Variants in NEDD4L observed in about 807,000 individuals in gnomAD.
NEDD4L encodes NEDD4 like E3 ubiquitin protein ligase.
Under a neutral mutation model 148.9 loss-of-function variants are expected in NEDD4L, and 54 were observed. The observed-to-expected ratio is 0.36, with a 90% confidence interval of 0.29 to 0.45. The LOEUF is 0.45. Ranked by LOEUF, NEDD4L falls within the 20% of genes least tolerant of loss-of-function variation. NEDD4L has a pLI of 1.00. For synonymous variants in NEDD4L, 433 were observed against 440.7 expected, an observed-to-expected ratio of 0.98 and a Z score of 0.22; for missense variants, 856 against 1,233.8, an observed-to-expected ratio of 0.69 and a Z score of 4.59.
At chr18:58,343,421 C>G (rs2042676097) in intron 16 of NEDD4L, among the ~76,000 whole-genome samples, 1 of 152,214 alleles carries the variant, frequency 6.6e-6, no homozygotes, top group Non-Finnish European at 1.5e-5. Flanking sequence ...TCCCGTCTCA[C>G]AAAGTAATCT....
chr18:58,201,033 T>C (rs1316711125), intron 2 of NEDD4L, among the ~76,000 whole-genome samples: 1 of 152,168 alleles, frequency 6.6e-6, no homozygotes, highest in East Asian at 1.9e-4. Flanking sequence ...TGTATGTTAA[T>C]GTTAGATAAA....
chr18:58,376,541 A>T (rs1043534153), intron 24 of NEDD4L, among the ~76,000 whole-genome samples: 1 of 152,176 alleles, frequency 6.6e-6, no homozygotes, highest in Non-Finnish European at 1.5e-5. Flanking sequence ...TCCATCAGCG[A>T]GTTGTTCACA....
intron 2 of NEDD4L, among the ~76,000 whole-genome samples, chr18:58,196,247 G>GCTAA (rs1416965459): frequency 6.6e-6 from 1 of 152,152 alleles, no homozygotes; most frequent in Non-Finnish European, 1.5e-5. Context: ...TTAGAGCATA[G>GCTAA]CTAATGCAAT....
chr18:58,064,544 C>G (rs1239698849), intron 1 of NEDD4L, among the ~76,000 whole-genome samples: 1 of 152,078 alleles, frequency 6.6e-6, no homozygotes. Flanking sequence ...ACACCGTTTT[C>G]CTTTGTTTCC....
intron 1 of NEDD4L, among the ~76,000 whole-genome samples, chr18:58,066,913 A>C (rs773483593): frequency 1.3e-5 from 2 of 152,296 alleles, no homozygotes; most frequent in Non-Finnish European, 1.5e-5. Flanking sequence ...TCCTTGTACC[A>C]GGCCCCTCCT....
chr18:58,189,888 A>G (rs1027419034), intron 2 of NEDD4L: 8 of 152,266 alleles, frequency 5.3e-5, no homozygotes, highest in Admixed American at 3.3e-4. Context: ...TCTATTTCAT[A>G]TCTTTATTGA....
At chr18:58,266,482 T>A (rs2050236136) in intron 5 of NEDD4L, among the ~76,000 whole-genome samples, 1 of 152,130 alleles carries the variant, frequency 6.6e-6, no homozygotes, top group African/African-American at 2.4e-5. Flanking sequence ...ATGTGCATAT[T>A]TTGGCCAGTG....
intron 5 of NEDD4L, among the ~76,000 whole-genome samples, chr18:58,280,419 G>A (rs1488196716): frequency 1.3e-5 from 2 of 152,194 alleles, no homozygotes; most frequent in African/African-American, 4.8e-5. Flanking sequence ...AGGGGTTGAG[G>A]GAGGCACATG....
At chr18:58,143,480 C>CCT (rs2033773722) in intron 1 of NEDD4L, among the ~76,000 whole-genome samples, 1 of 152,190 alleles carries the variant, frequency 6.6e-6, no homozygotes, top group African/African-American at 2.4e-5. Flanking sequence ...GCCGAAATGC[C>CCT]CGCAGGCTCT....
chr18:58,290,056 C>T (rs925026804), intron 5 of NEDD4L, among the ~76,000 whole-genome samples: 1 of 152,220 alleles, frequency 6.6e-6, no homozygotes, highest in Non-Finnish European at 1.5e-5. Flanking sequence ...TCCGCAACTA[C>T]TGACGATTCA....
intron 2 of NEDD4L, among the ~76,000 whole-genome samples, chr18:58,213,837 A>T (rs187304045): frequency 1.2e-4 from 18 of 152,130 alleles, no homozygotes; most frequent in African/African-American, 3.6e-4. Context: ...AATTGTGAGT[A>T]TTTAACATTC....
At chr18:58,208,852 G>A (rs1405920544) in intron 2 of NEDD4L, among the ~76,000 whole-genome samples, 1 of 152,158 alleles carries the variant, frequency 6.6e-6, no homozygotes, top group Admixed American at 6.5e-5. Context: ...TTATGCATGA[G>A]TGAGCTCACT....
rs1483555632 is a variant in NEDD4L, at chr18:58,387,458, C to G, written c.2507C>G (p.Pro836Arg). ...AFLEGFTELL[P>R]IDLIKIFDEN... Reference sequence around the variant, plus strand: ...TTTCAGGGATTCACAGAACTACTTCCTATTGATTTGATTAAAATTTTTGAT... The same window carrying G: ...TTTCAGGGATTCACAGAACTACTTCGTATTGATTTGATTAAAATTTTTGAT... Residue 836 changes from proline (P) to arginine (R), a missense_variant, in exon 27 of 31, where the codon CCT (proline) becomes CGT (arginine). Pro to Arg is a moderately radical substitution (Grantham distance 103). Transcript: ENST00000400345. 1.3e-6 allele frequency: 2 copies of G among 1,567,802 alleles called. No homozygotes were observed. Among genetic ancestry groups the G allele is most frequent in the Non-Finnish European group, 1.7e-6 (2 of 1,158,850 alleles).
At chr18:58,136,235 A>T (rs558508089) in intron 1 of NEDD4L, among the ~76,000 whole-genome samples, 1 of 152,180 alleles carries the variant, frequency 6.6e-6, no homozygotes, top group Non-Finnish European at 1.5e-5. Flanking sequence ...ACATCAGGGA[A>T]GATTGTTCAC....
rs762385384 is a variant in NEDD4L, at chr18:58,370,397, G to A, written c.2186G>A (p.Gly729Asp). The A allele has an allele frequency of 6.2e-7, 1 of 1,602,356 alleles. No homozygotes were observed. The highest frequency in any genetic ancestry group is 8.6e-7 in the Non-Finnish European group (1 of 1,169,428). ...AAACCCAGTGTTTACCGTGTTTTAG[G>A]TTTCTTCATTAGACCATTTTACAAG... ...LAVFHGKLLD[G>D]FFIRPFYKMM... Residue 729 changes from glycine to aspartate, a missense_variant and splice_region_variant, in exon 23 of 31, where the codon GGT (glycine) becomes GAT (aspartate). Gly to Asp is a moderately conservative substitution (Grantham distance 94, BLOSUM62 -1). Coordinates refer to ENST00000400345, the MANE Select transcript of NEDD4L (RefSeq NM_001144967.3).
In NEDD4L at chr18:58,278,120, A is replaced by G. The variant is rs1279694201; in HGVS notation, c.297+26066A>G. The stretch of plus-strand genomic sequence containing the variant: ...ACAATTAAAAAAAAAAATTGAAGCA[A>G]GTCCATAATCCCATGTAGTTCTTTG... On this transcript the variant is annotated intron_variant, in intron 5 of 30. Transcript: ENST00000400345. 2.6e-5 allele frequency among the ~76,000 whole-genome samples: 4 copies of G among 152,108 alleles called. No homozygotes were observed. The East Asian group carries it at 7.7e-4, about 29-fold the overall frequency.
chr18:58,305,407 G>A (rs969327780), intron 5 of NEDD4L, among the ~76,000 whole-genome samples: 1 of 152,194 alleles, frequency 6.6e-6, no homozygotes, highest in African/African-American at 2.4e-5. Flanking sequence ...ATTTTCTGAG[G>A]TGAGGCCTGG....
At chr18:58,116,855 T>G (rs1181829214) in intron 1 of NEDD4L, among the ~76,000 whole-genome samples, 1 of 152,264 alleles carries the variant, frequency 6.6e-6, no homozygotes, top group Non-Finnish European at 1.5e-5. Flanking sequence ...TTGTGAAGGA[T>G]ACAATACAGC....
chr18:58,266,109 A>G (rs1365209594), intron 5 of NEDD4L, among the ~76,000 whole-genome samples: 1 of 152,080 alleles, frequency 6.6e-6, no homozygotes, highest in Non-Finnish European at 1.5e-5. Flanking sequence ...TATAAACCAT[A>G]TTTCCACCAT....
Sources: allele counts gnomAD v4.1 joint callset (sites outside exome capture counted in the v4.1 genomes callset), GRCh38; gene constraint gnomAD v4.1.1; transcripts MANE v1.5; gene names NCBI Gene and HGNC (gene_info 2026-07-23, HGNC 2026-07-21).